GRIN2B: variants seen among roughly 807,000 people sequenced by gnomAD.
The protein encoded by GRIN2B is glutamate receptor ionotropic, NMDA 2B.
GRIN2B carries 5 observed loss-of-function variants against 114.5 expected under a neutral mutation model. The ratio of observed to expected loss-of-function variants is 0.04; its 90% confidence interval spans 0.02 to 0.09. The LOEUF (loss-of-function observed/expected upper bound fraction) is 0.09, where lower values mean the gene tolerates loss of function less well. Among genes scored for constraint, GRIN2B ranks in the 10% least tolerant of loss-of-function variants. GRIN2B has a pLI of 1.00. For synonymous variants in GRIN2B, 787 were observed against 745.1 expected (o/e 1.06, Z -0.92); for missense variants, 1,108 against 1,943.5 (o/e 0.57, Z 8.08).
rs753137723 is a variant in GRIN2B, at chr12:13,544,041, C to T, written c.*18742G>A. 4 of 152,164 alleles carry T rather than the reference C, an allele frequency of 2.6e-5. No homozygotes were observed. Among genetic ancestry groups the T allele is most frequent in the Admixed American group, 6.5e-5 (1 of 15,276 alleles). 9.4% of individuals were successfully genotyped at this position (152,164 alleles called of 1,614,324 possible). A position where few individuals can be genotyped will look rare whatever the true frequency, so the allele number is the denominator to read the frequency against. On this transcript the variant is annotated 3_prime_UTR_variant, in exon 14 of 14. Coordinates refer to ENST00000609686, the MANE Select transcript of GRIN2B (RefSeq NM_000834.5). ...ATTAGTCTTGTCAACATAAAATGGG[C>T]TGTTATTTTTCCCATCTTAAAAAAA...
At chr12:13,696,873 C>T (rs1336904474) in intron 4 of GRIN2B, among the ~76,000 whole-genome samples, 2 of 152,138 alleles carry the variant, frequency 1.3e-5, no homozygotes, top group South Asian at 2.1e-4. Flanking sequence ...TCAAAATTCT[C>T]CCCCACCAAG....
At chr12:13,682,170 A>T (rs1042096495) in intron 4 of GRIN2B, among the ~76,000 whole-genome samples, 1 of 152,236 alleles carries the variant, frequency 6.6e-6, no homozygotes, top group Non-Finnish European at 1.5e-5. Flanking sequence ...AAAATGATTA[A>T]TCCAGTTTAG....
rs1427225265 is a variant in GRIN2B at position 13,554,982 on chromosome 12, GTA to G, written c.*7799_*7800del. On this transcript the variant is annotated 3_prime_UTR_variant, in exon 14 of 14. Transcript: ENST00000609686. Reference sequence around the variant, plus strand: ...GTTCAGAAGGTGACTGGAAGTATGTGTATGAAGGAAAAGCAAAAGGTAGGGGC... The same window carrying G: ...GTTCAGAAGGTGACTGGAAGTATGTGTGAAGGAAAAGCAAAAGGTAGGGGC... The G allele has an allele frequency of 5.3e-5, 8 of 152,164 alleles. No homozygotes were observed. Among genetic ancestry groups the G allele is most frequent in the Non-Finnish European group, 7.4e-5 (5 of 68,020 alleles). 9.4% of individuals were successfully genotyped at this position (152,164 alleles called of 1,614,324 possible). A position where few individuals can be genotyped will look rare whatever the true frequency, so the allele number is the denominator to read the frequency against.
At chr12:13,817,347 C>T (rs1027010591) in intron 3 of GRIN2B, among the ~76,000 whole-genome samples, 6 of 152,106 alleles carry the variant, frequency 3.9e-5, no homozygotes, top group African/African-American at 1.2e-4. Context: ...GGGAGCAAAC[C>T]AAAGGTCAGG....
intron 2 of GRIN2B, among the ~76,000 whole-genome samples, chr12:13,889,246 G>A (rs750778561): frequency 3.3e-5 from 5 of 151,874 alleles, no homozygotes; most frequent in Non-Finnish European, 7.4e-5. Flanking sequence ...TCATCTTATG[G>A]GACCACCGTC....
chr12:13,588,704 T>C (rs1194065312), intron 10 of GRIN2B, among the ~76,000 whole-genome samples: 1 of 152,198 alleles, frequency 6.6e-6, no homozygotes, highest in East Asian at 1.9e-4. Context: ...AATGCAGTGC[T>C]GCTTTTTTAA....
At chr12:13,681,892 AAC>A (rs1344351745) in intron 4 of GRIN2B, among the ~76,000 whole-genome samples, 1 of 152,154 alleles carries the variant, frequency 6.6e-6, no homozygotes, top group Non-Finnish European at 1.5e-5. Context: ...GAATGGAAAA[AAC>A]ACAATTCTTT....
chr12:13,863,694 C>T (rs1260996146), intron 3 of GRIN2B, among the ~76,000 whole-genome samples: 1 of 152,250 alleles, frequency 6.6e-6, no homozygotes, highest in African/African-American at 2.4e-5. Flanking sequence ...TTCAGTCTCT[C>T]TGCATGCTCT....
intron 2 of GRIN2B, among the ~76,000 whole-genome samples, chr12:13,890,258 T>C (rs1866236686): frequency 6.6e-6 from 1 of 152,222 alleles, no homozygotes; most frequent in Non-Finnish European, 1.5e-5. Context: ...TCTCTTGCCC[T>C]ATCTCTCTGT....
intron 5 of GRIN2B, among the ~76,000 whole-genome samples, chr12:13,673,909 G>A (rs1007591035): frequency 2.6e-5 from 4 of 152,072 alleles, no homozygotes; most frequent in Non-Finnish European, 4.4e-5. Flanking sequence ...ACAGACAGAA[G>A]TGCCTGTTAT....
chr12:13,792,710 G>T (rs1023294021), intron 3 of GRIN2B, among the ~76,000 whole-genome samples: 4 of 152,222 alleles, frequency 2.6e-5, no homozygotes, highest in African/African-American at 9.6e-5. Context: ...CAAGGCAGAT[G>T]CTGTGGCACC....
intron 5 of GRIN2B, among the ~76,000 whole-genome samples, chr12:13,654,188 A>T (rs1176699935): frequency 6.6e-6 from 1 of 152,092 alleles, no homozygotes; most frequent in African/African-American, 2.4e-5. Context: ...ATGACAGAAA[A>T]GGTAGATGTT....
intron 3 of GRIN2B, among the ~76,000 whole-genome samples, chr12:13,827,148 T>C (rs1450093217): frequency 2.0e-5 from 3 of 151,318 alleles, no homozygotes; most frequent in East Asian, 1.9e-4. Flanking sequence ...TGTCTTTTTT[T>C]CCCTCTGGCT....
At chr12:13,621,092 A>G (rs897100318) in intron 5 of GRIN2B, among the ~76,000 whole-genome samples, 3 of 152,242 alleles carry the variant, frequency 2.0e-5, no homozygotes, top group Non-Finnish European at 2.9e-5. Context: ...TTAACAAAAA[A>G]GGAAACAAAA....
chr12:13,816,128 A>G (rs1864818976), intron 3 of GRIN2B, among the ~76,000 whole-genome samples: 1 of 152,192 alleles, frequency 6.6e-6, no homozygotes, highest in Admixed American at 6.5e-5. Flanking sequence ...GCACACGTGG[A>G]CAAGTCATAT....
intron 2 of GRIN2B, among the ~76,000 whole-genome samples, chr12:13,949,897 C>T (rs1308107449): frequency 2.0e-5 from 3 of 152,082 alleles, no homozygotes; most frequent in East Asian, 1.9e-4. Context: ...ACTTTATGCA[C>T]GTAAGCACTG....
intron 3 of GRIN2B, among the ~76,000 whole-genome samples, chr12:13,754,587 TAA>T (rs1212487576): frequency 1.3e-5 from 2 of 150,810 alleles, no homozygotes; most frequent in Non-Finnish European, 3.0e-5. Flanking sequence ...TATAAACATA[TAA>T]ATGTTAAATT....
chr12:13,869,726 GTATAA>G (rs1865877670), intron 2 of GRIN2B, among the ~76,000 whole-genome samples: 2 of 152,102 alleles, frequency 1.3e-5, no homozygotes, highest in African/African-American at 4.8e-5. Context: ...GGGCCTCTCA[GTATAA>G]TATGAGTGTT....
At position 13,615,767 on chromosome 12, in the gene GRIN2B, G is replaced by A; in HGVS notation, c.1329-103C>T. ...TTAAAAAACCTCCAATCCCAAAGCA[G>A]GCCCCCTTCACAGCTCAGCACAATT... On this transcript the variant is annotated intron_variant, in intron 6 of 13. Coordinates refer to ENST00000609686, the MANE Select transcript of GRIN2B (RefSeq NM_000834.5). The surrounding 1 kb of genome is among the most constrained non-coding windows in gnomAD (Gnocchi z 5.8). 3.2e-6 allele frequency: 3 copies of A among 945,074 alleles called. No homozygotes were observed. The highest frequency in any genetic ancestry group is 5.2e-6 in the Non-Finnish European group (3 of 575,546). The allele number at this position is 945,074 out of a possible 1,614,324, so 58.5% of individuals were successfully genotyped here.
Sources: allele counts gnomAD v4.1 joint callset (sites outside exome capture counted in the v4.1 genomes callset), GRCh38; gene constraint gnomAD v4.1.1; non-coding constraint Gnocchi (gnomAD v3.1); transcripts MANE v1.5; gene names NCBI Gene and HGNC (gene_info 2026-07-23, HGNC 2026-07-21).